CMYA5: variants seen among roughly 807,000 people sequenced by gnomAD.
CMYA5 encodes cardiomyopathy-associated protein 5.
CMYA5 carries 246 observed loss-of-function variants against 318.9 expected under a neutral mutation model. That is an observed-to-expected ratio of 0.77 (90% CI 0.70 to 0.86). The LOEUF is 0.86. Among genes scored for constraint, CMYA5 ranks in the 40% least tolerant of loss-of-function variants. The probability of loss-of-function intolerance (pLI) is 0.00; values close to 1 mark genes in which losing one functional copy is unlikely to be tolerated. For synonymous variants in CMYA5, 1,641 were observed against 1,729.5 expected (o/e 0.95, Z 1.27); for missense variants, 4,589 against 4,678.2 (o/e 0.98, Z 0.56).
rs1580771400 is a variant in CMYA5, at chr5:79,734,234, G to A, written c.5469G>A (p.Lys1823=). The change falls in exon 2 of 13, where the codon AAG becomes AAA. Residue 1823 remains lysine (K), a synonymous_variant. Transcript: ENST00000446378. ...CTGACCTCCTTGTAGAACAAAAAAAGACAGAAAAAGCACTTCATTCAGATC... is the reference window on the plus strand; with the variant it reads ...CTGACCTCCTTGTAGAACAAAAAAAAACAGAAAAAGCACTTCATTCAGATC... ...APSDLLVEQK[K]TEKALHSDQT... 1 of 1,613,628 alleles carries A rather than the reference G, an allele frequency of 6.2e-7. No homozygotes were observed. The highest frequency in any genetic ancestry group is 2.2e-5 in the East Asian group (1 of 44,868).
At chr5:79,723,310 GCA>G (rs1312800913) in intron 1 of CMYA5, among the ~76,000 whole-genome samples, 2 of 152,000 alleles carry the variant, frequency 1.3e-5, no homozygotes, top group African/African-American at 2.4e-5. Context: ...GCAGTGGCAG[GCA>G]CCTGTAATCC....
intron 1 of CMYA5, among the ~76,000 whole-genome samples, chr5:79,718,296 A>C (rs1827557808): frequency 6.6e-6 from 1 of 152,178 alleles, no homozygotes; most frequent in Admixed American, 6.5e-5. Context: ...TTGTAGAGTT[A>C]ATGATTGCTT....
rs1580767749 is a variant in CMYA5, at chr5:79,731,583, G to A, written c.2818G>A (p.Glu940Lys). ...CATGAATTTATCAGAAGAAGATCAA[G>A]AAGACATTGGACCTTTTTCTCCAGA... ...SPMNLSEEDQEDIGPFSPDSA... is the reference protein window; with the variant it reads ...SPMNLSEEDQKDIGPFSPDSA... Residue 940 changes from glutamate (E) to lysine (K), a missense_variant, in exon 2 of 13, where the codon GAA becomes AAA. Physicochemically the swap from Glu to Lys is moderately conservative, Grantham distance 56. Transcript: ENST00000446378. 1.9e-6 allele frequency: 3 copies of A among 1,612,734 alleles called. No homozygotes were observed. Among genetic ancestry groups the A allele is most frequent in the Non-Finnish European group, 2.5e-6 (3 of 1,179,342 alleles).
At chr5:79,744,042 G>T in intron 3 of CMYA5, 120 bp downstream of exon 3, 2 of 534,948 alleles carry the variant, frequency 3.7e-6, no homozygotes, top group Admixed American at 3.8e-5. Context: ...TGCCATTGTT[G>T]GTTCGGTTCC....
chr5:79,770,441 C>T (rs1056439974), intron 9 of CMYA5, among the ~76,000 whole-genome samples: 4 of 152,156 alleles, frequency 2.6e-5, no homozygotes, highest in Non-Finnish European at 5.9e-5. Context: ...TGTAGGCACC[C>T]GAGAGAATCT....
At chr5:79,789,665 T>C (rs1829141297) in intron 10 of CMYA5, among the ~76,000 whole-genome samples, 1 of 152,062 alleles carries the variant, frequency 6.6e-6, no homozygotes, top group Non-Finnish European at 1.5e-5. Context: ...CCTCAGGTGA[T>C]CTGCCCGCCT....
At chr5:79,759,388 T>A (rs985815926) in intron 7 of CMYA5, among the ~76,000 whole-genome samples, 6 of 152,368 alleles carry the variant, frequency 3.9e-5, no homozygotes, top group Admixed American at 3.9e-4. Flanking sequence ...CTCAGGTCTG[T>A]CTTTGCTAAA....
At chr5:79,713,360 G>C (rs1000787680) in intron 1 of CMYA5, among the ~76,000 whole-genome samples, 5 of 140,190 alleles carry the variant, frequency 3.6e-5, no homozygotes, top group African/African-American at 1.1e-4. Context: ...TAGTGTCACT[G>C]TGGAGGAATG....
intron 1 of CMYA5, among the ~76,000 whole-genome samples, chr5:79,727,216 A>G (rs1262651004): frequency 1.3e-5 from 2 of 152,114 alleles, no homozygotes; most frequent in Non-Finnish European, 2.9e-5. Flanking sequence ...GTGCCTGGCC[A>G]GGCCAGTGAT....
chr5:79,766,921 A>G (rs574758141), intron 9 of CMYA5, among the ~76,000 whole-genome samples: 45 of 152,176 alleles, frequency 3.0e-4, no homozygotes, highest in Non-Finnish European at 4.9e-4. Flanking sequence ...TTCGGCTGCA[A>G]ATCTTTCTGG....
rs762192905 is a variant in CMYA5, at chr5:79,789,072, A to G, written c.11657A>G (p.Glu3886Gly). Residue 3886 changes from glutamate (E) to glycine (G), a missense_variant, in exon 10 of 13, where the codon GAA becomes GGA. Transcript: ENST00000446378. ...GCCATCAATGCATTTGGGACAAGTG[A>G]ACAGAGTGAAGCTGCTCTCATCTCC... Reference protein sequence around the residue: ...VRAINAFGTSEQSEAALISTR... With the variant: ...VRAINAFGTSGQSEAALISTR... 8.9e-5 allele frequency: 143 copies of G among 1,613,864 alleles called. No homozygotes were observed. Among genetic ancestry groups the G allele is most frequent in the Middle Eastern group, 3.3e-4 (2 of 6,084 alleles).
At chr5:79,692,553 A>G (rs2151073353) in intron 1 of CMYA5, among the ~76,000 whole-genome samples, 1 of 152,334 alleles carries the variant, frequency 6.6e-6, no homozygotes, top group Non-Finnish European at 1.5e-5. Flanking sequence ...GACATGTAAC[A>G]TCAAGAGGCC....
At chr5:79,785,999 C>T (rs929826851) in intron 9 of CMYA5, among the ~76,000 whole-genome samples, 3 of 152,230 alleles carry the variant, frequency 2.0e-5, no homozygotes, top group Non-Finnish European at 4.4e-5. Context: ...TCATTTTCCT[C>T]TGAAACAACA....
intron 1 of CMYA5, among the ~76,000 whole-genome samples, chr5:79,701,392 G>T (rs1432765152): frequency 6.6e-6 from 1 of 152,126 alleles, no homozygotes. Flanking sequence ...AAAAATAAAT[G>T]TTTAAGGTAA....
chr5:79,743,366 A>C (rs1335617667), intron 2 of CMYA5, among the ~76,000 whole-genome samples: 1 of 152,122 alleles, frequency 6.6e-6, no homozygotes. Context: ...TGGTATGCTA[A>C]ATTTCAGGCC....
In CMYA5 at chr5:79,732,676, A is replaced by C. The variant is rs375574725; in HGVS notation, c.3911A>C (p.Lys1304Thr). 47 of 1,613,388 alleles carry C rather than the reference A, an allele frequency of 2.9e-5. No homozygotes were observed. In the African/African-American group the frequency reaches 5.5e-4, roughly 19 times the overall value. Residue 1304 changes from lysine (K) to threonine (T), a missense_variant, in exon 2 of 13, where the codon AAA becomes ACA. Around this residue, in one of 3 missense-constraint regions of CMYA5, gnomAD observed 2,132 missense variants for 2,131.3 expected, o/e 1.00. Coordinates refer to ENST00000446378, the MANE Select transcript of CMYA5 (RefSeq NM_153610.5). ...EALSAVKMEM[K>T]HDSKITTTPI... ...TTATCAGCAGTGAAAATGGAGATGA[A>C]ACATGATTCCAAAATAACAACTACA...
intron 1 of CMYA5, among the ~76,000 whole-genome samples, chr5:79,714,047 G>A (rs1177540333): frequency 5.9e-5 from 9 of 152,146 alleles, no homozygotes; most frequent in Admixed American, 5.9e-4. Context: ...GAATGATGGT[G>A]GTTTTCCAGT....
intron 1 of CMYA5, among the ~76,000 whole-genome samples, chr5:79,712,504 C>T (rs1020395807): frequency 6.6e-6 from 1 of 152,024 alleles, no homozygotes; most frequent in Non-Finnish European, 1.5e-5. Context: ...TGAGCCACCA[C>T]ACCCGGCCTA....
At position 79,721,672 on chromosome 5, in the gene CMYA5, A is replaced by G. The variant is rs1294376701; in HGVS notation, c.150-7243A>G. On this transcript the variant is annotated intron_variant, in intron 1 of 12. Transcript: ENST00000446378. ...AGATAGCTGGCATAATGCTATTAATATCAAAGCAAAGCTTTAATAGTATCA... is the reference window on the plus strand; with the variant it reads ...AGATAGCTGGCATAATGCTATTAATGTCAAAGCAAAGCTTTAATAGTATCA... Among the ~76,000 whole-genome samples, 12 of 152,340 alleles carry G rather than the reference A, an allele frequency of 7.9e-5. No individual in the cohort carries two copies. In the East Asian group the frequency reaches 2.3e-3, roughly 29 times the overall value.
Sources: allele counts gnomAD v4.1 joint callset (sites outside exome capture counted in the v4.1 genomes callset), GRCh38; gene constraint gnomAD v4.1.1; regional missense constraint gnomAD v4.1.1; transcripts MANE v1.5; gene names NCBI Gene and HGNC (gene_info 2026-07-23, HGNC 2026-07-21).